OTOGL: variants seen among roughly 807,000 people sequenced by gnomAD.
The protein encoded by OTOGL is otogelin like, also known as otogelin-like protein.
Under a neutral mutation model 318.5 loss-of-function variants are expected in OTOGL, and 285 were observed. That is an observed-to-expected ratio of 0.89 (90% confidence interval 0.81 to 0.99). OTOGL has a LOEUF of 0.99. Among genes scored for constraint, OTOGL ranks in the 50% least tolerant of loss-of-function variants. OTOGL has a pLI of 0.00. For missense variants in OTOGL, 2,899 were observed against 2,845.6 expected (o/e 1.02, Z -0.43); for synonymous variants, 987 against 936.5 (o/e 1.05, Z -0.99).
intron 26 of OTOGL, among the ~76,000 whole-genome samples, chr12:80,288,652 GTC>G (rs1025772942): frequency 1.3e-5 from 2 of 151,682 alleles, no homozygotes; most frequent in Admixed American, 1.3e-4. Context: ...TTGATAATCA[GTC>G]TCTGATATCC....
chr12:80,241,934 T>C (rs933412897), intron 11 of OTOGL, among the ~76,000 whole-genome samples: 2 of 152,110 alleles, frequency 1.3e-5, no homozygotes, highest in African/African-American at 4.8e-5. Context: ...ATTTTAGCCC[T>C]TAAAAAGGGA....
intron 1 of OTOGL, among the ~76,000 whole-genome samples, chr12:80,189,815 G>A (rs1330743503): frequency 2.0e-5 from 3 of 152,146 alleles, no homozygotes; most frequent in Admixed American, 1.3e-4. Flanking sequence ...TCTTCTTTGC[G>A]CAGGAGTAAT....
intron 29 of OTOGL, among the ~76,000 whole-genome samples, chr12:80,308,601 G>T (rs1183453938): frequency 6.6e-6 from 1 of 152,172 alleles, no homozygotes; most frequent in Non-Finnish European, 1.5e-5. Context: ...GGCACTTTGG[G>T]AGGCCAAGGC....
rs1882848635 is a variant in OTOGL, at chr12:80,265,125, C to A, written c.2139C>A (p.Cys713Ter). The A allele has an allele frequency of 6.2e-7, 1 of 1,613,870 alleles. No individual in the cohort carries two copies. The highest frequency in any genetic ancestry group is 1.1e-5 in the South Asian group (1 of 91,084). The change falls in exon 20 of 59, where the codon TGC (cysteine) becomes TGA (stop). Residue 713 changes from cysteine (C) to a stop codon, truncating the protein, a stop_gained. Coordinates refer to ENST00000547103, the MANE Select transcript of OTOGL (RefSeq NM_001378609.3). LOFTEE classifies it high-confidence loss of function. ...RHDACKCGSS[C>*]LCNALAHYAY... ...ATGCATGCAAGTGTGGAAGCTCCTG[C>A]CTGTGCAATGCTCTTGCCCACTATG...
intron 1 of OTOGL, among the ~76,000 whole-genome samples, chr12:80,151,780 C>G (rs181570397): frequency 6.6e-6 from 1 of 152,264 alleles, no homozygotes. Flanking sequence ...GACTAGTCAA[C>G]TAATGTCACT....
Position 80,353,515 on chromosome 12 carries a change from G to T in OTOGL, c.5593+5G>T. ...GCATTCCAGAGAAAGAGTGTGGTAAGACACAAAGTACAAAATGACTTCTCA... is the reference window on the plus strand; with the variant it reads ...GCATTCCAGAGAAAGAGTGTGGTAATACACAAAGTACAAAATGACTTCTCA... On this transcript the variant is annotated splice_donor_5th_base_variant and intron_variant, in intron 46 of 58. Coordinates refer to ENST00000547103, the MANE Select transcript of OTOGL (RefSeq NM_001378609.3). The T allele has an allele frequency of 6.6e-7, 1 of 1,525,994 alleles. No homozygotes were observed. The highest frequency in any genetic ancestry group is 1.3e-5 in the South Asian group (1 of 74,964). 94.5% of individuals were successfully genotyped at this position (1,525,994 alleles called of 1,614,324 possible).
At chr12:80,212,465 G>A (rs186932388) in intron 4 of OTOGL, among the ~76,000 whole-genome samples, 15 of 152,308 alleles carry the variant, frequency 9.8e-5, no homozygotes, top group Admixed American at 9.8e-4. Flanking sequence ...AATCTAAATT[G>A]TGGGTGTCTC....
At chr12:80,216,040 C>A (rs768630806) in intron 4 of OTOGL, among the ~76,000 whole-genome samples, 2 of 152,096 alleles carry the variant, frequency 1.3e-5, no homozygotes, top group Non-Finnish European at 2.9e-5. Flanking sequence ...CATGGGCTGA[C>A]ATGATGGCAT....
intron 44 of OTOGL, among the ~76,000 whole-genome samples, chr12:80,344,871 T>C (rs1889059748): frequency 6.6e-6 from 1 of 150,906 alleles, no homozygotes. Flanking sequence ...TGGGATAAAT[T>C]TTTATAATTT....
intron 27 of OTOGL, among the ~76,000 whole-genome samples, chr12:80,298,665 C>T (rs1314608529): frequency 6.6e-6 from 1 of 152,026 alleles, no homozygotes; most frequent in African/African-American, 2.4e-5. Flanking sequence ...CTCAGTAGAG[C>T]AGAGCTGAGA....
chr12:80,346,449 GA>G (rs1889202783), intron 44 of OTOGL, among the ~76,000 whole-genome samples: 1 of 152,170 alleles, frequency 6.6e-6, no homozygotes, highest in South Asian at 2.1e-4. Flanking sequence ...AAGGTCTGAA[GA>G]AGATAGGCTA....
intron 17 of OTOGL, among the ~76,000 whole-genome samples, chr12:80,256,733 A>G (rs182856900): frequency 6.6e-6 from 1 of 152,226 alleles, no homozygotes; most frequent in East Asian, 1.9e-4. Context: ...ACTCAAAGAC[A>G]TACATAAAGA....
chr12:80,312,337 T>G (rs988517281), intron 30 of OTOGL, among the ~76,000 whole-genome samples: 7 of 152,292 alleles, frequency 4.6e-5, no homozygotes, highest in South Asian at 2.1e-4. Context: ...TTAAAGAGAT[T>G]TGCAAAAATG....
At position 80,153,142 on chromosome 12, in the gene OTOGL, C is replaced by T. The variant is rs190458984; in HGVS notation, c.-20+53537C>T. Among the ~76,000 whole-genome samples, 17 of 152,240 alleles carry T rather than the reference C, an allele frequency of 1.1e-4. No individual in the cohort carries two copies. In the East Asian group the frequency reaches 2.7e-3, roughly 24 times the overall value. On this transcript the variant is annotated intron_variant, in intron 1 of 58. Transcript: ENST00000547103. ...ACTGCTGTAGCAAAGTCCTATAGTACGGCCTTATCAACAATGGAAATTTAT... is the reference window on the plus strand; with the variant it reads ...ACTGCTGTAGCAAAGTCCTATAGTATGGCCTTATCAACAATGGAAATTTAT...
chr12:80,116,902 T>C (rs1309129898), intron 1 of OTOGL, among the ~76,000 whole-genome samples: 4 of 152,212 alleles, frequency 2.6e-5, no homozygotes, highest in Admixed American at 2.6e-4. Context: ...CCATAAAGTG[T>C]GTCAGCTTCC....
At chr12:80,189,701 T>C (rs1453695981) in intron 1 of OTOGL, among the ~76,000 whole-genome samples, 1 of 152,106 alleles carries the variant, frequency 6.6e-6, no homozygotes. Context: ...CCAAGATAAA[T>C]CGAAATATGC....
chr12:80,248,507 G>T (rs1352601056), intron 11 of OTOGL, among the ~76,000 whole-genome samples: 2 of 135,952 alleles, frequency 1.5e-5, no homozygotes, highest in African/African-American at 3.0e-5. Context: ...CTCTCTTCTG[G>T]CTTGTAGGGT....
chr12:80,120,157 A>G (rs1187253426), intron 1 of OTOGL, among the ~76,000 whole-genome samples: 1 of 151,992 alleles, frequency 6.6e-6, no homozygotes, highest in Non-Finnish European at 1.5e-5. Flanking sequence ...CATTTGGCCA[A>G]TCATAGGATG....
Position 80,218,561 on chromosome 12 carries a change from T to C in OTOGL, c.235+897T>C, listed in dbSNP as rs138256222. ...CCAGTTGCCTCTTGTCCTCTCCTTA[T>C]TAGAGGAAATTTTTTCACTGATTCA... On this transcript the variant is annotated intron_variant, in intron 5 of 58. Transcript: ENST00000547103. Among the ~76,000 whole-genome samples the C allele has an allele frequency of 1.9e-3, 290 of 152,250 alleles. 1 individual carries two copies. Among genetic ancestry groups the C allele is most frequent in the African/African-American group, 5.2e-3 (216 of 41,576 alleles).
Sources: allele counts gnomAD v4.1 joint callset (sites outside exome capture counted in the v4.1 genomes callset), GRCh38; gene constraint gnomAD v4.1.1; transcripts MANE v1.5; gene names NCBI Gene and HGNC (gene_info 2026-07-23, HGNC 2026-07-21).